MCF2L: variants seen among roughly 807,000 people sequenced by gnomAD.
MCF2L encodes MCF.2 cell line derived transforming sequence like.
MCF2L carries 97 observed loss-of-function variants against 153.4 expected under a neutral mutation model. The observed-to-expected ratio is 0.63, with a 90% CI of 0.54 to 0.75. The LOEUF is 0.75. Among genes scored for constraint, MCF2L ranks in the 30% least tolerant of loss-of-function variants. The pLI, the probability that MCF2L is intolerant of heterozygous loss-of-function variation, is 0.00. For synonymous variants in MCF2L, 659 were observed against 632.2 expected, an observed-to-expected ratio of 1.04 and a Z score of -0.64; for missense variants, 1,347 against 1,495.2, an observed-to-expected ratio of 0.90 and a Z score of 1.64.
intron 2 of MCF2L, among the ~76,000 whole-genome samples, chr13:112,915,412 A>C (rs796338093): frequency 2.1e-5 from 3 of 145,856 alleles, no homozygotes; most frequent in Middle Eastern, 3.5e-3. Flanking sequence ...CTGTCTCACA[A>C]AAAAAAAAAA....
At chr13:113,048,437 C>CTTTTTTTTT (rs35857164) in intron 4 of MCF2L, among the ~76,000 whole-genome samples, 1 of 104,176 alleles carries the variant, frequency 9.6e-6, no homozygotes. Flanking sequence ...AATTTACGGT[C>CTTTTTTTTT]TTTTTTTTTT....
chr13:112,970,365 G>A (rs1021202102), intron 1 of MCF2L, among the ~76,000 whole-genome samples: 4 of 152,172 alleles, frequency 2.6e-5, no homozygotes, highest in African/African-American at 9.7e-5. Context: ...GTGAACCAGT[G>A]ATTAAATCAG....
At position 113,004,563 on chromosome 13, in the gene MCF2L, G is replaced by A. The variant is rs555557754; in HGVS notation, c.80-10200G>A. On this transcript the variant is annotated intron_variant, in intron 1 of 29. Transcript: ENST00000535094. Reference sequence around the variant, plus strand: ...GTGGGGGGCAGCCATCACCAAAGCCGTCTGCCTGCATCACCGGCTGAATTG... The same window carrying A: ...GTGGGGGGCAGCCATCACCAAAGCCATCTGCCTGCATCACCGGCTGAATTG... 6.6e-5 allele frequency among the ~76,000 whole-genome samples: 10 copies of A among 152,334 alleles called. No homozygotes were observed. In the East Asian group the frequency reaches 1.4e-3, roughly 21 times the overall value.
intron 1 of MCF2L, among the ~76,000 whole-genome samples, chr13:112,901,002 G>A (rs1289788788): frequency 1.3e-5 from 2 of 152,154 alleles, no homozygotes; most frequent in African/African-American, 4.8e-5. Context: ...GTTGGAGGGA[G>A]GCAGGCGGCC....
At chr13:112,911,746 C>T (rs2081235846) in intron 2 of MCF2L, among the ~76,000 whole-genome samples, 1 of 152,272 alleles carries the variant, frequency 6.6e-6, no homozygotes, top group African/African-American at 2.4e-5. Flanking sequence ...CACGGATGCG[C>T]TGAGCAGCGA....
Position 113,064,995 on chromosome 13 carries a change from G to T in MCF2L, c.666G>T (p.Gly222=), listed in dbSNP as rs1349249629. The T allele has an allele frequency of 1.9e-6, 3 of 1,613,014 alleles. No homozygotes were observed. The highest frequency in any genetic ancestry group is 2.2e-5 in the East Asian group (1 of 44,882). The part of the protein sequence containing the change: ...KQTAQMLQSF[G]TELAETELPN... ...CGGCTCAGATGCTGCAGTCCTTCGG[G>T]ACCGAGCTGGCTGAAACAGAGCTGC... Residue 222 remains glycine, a synonymous_variant, in exon 7 of 30, where the codon GGG becomes GGT. Coordinates refer to ENST00000535094, the MANE Select transcript of MCF2L (RefSeq NM_001112732.3). The surrounding 1 kb of genome is among the most constrained non-coding windows in gnomAD (Gnocchi z 6.0).
chr13:113,032,514 G>A (rs1406249868), intron 3 of MCF2L, among the ~76,000 whole-genome samples: 1 of 152,208 alleles, frequency 6.6e-6, no homozygotes, highest in Admixed American at 6.5e-5. Context: ...GTTCAGCGGT[G>A]TGTCGTGGCG....
chr13:113,032,572 T>A (rs997884213), intron 3 of MCF2L, among the ~76,000 whole-genome samples: 32 of 152,262 alleles, frequency 2.1e-4, no homozygotes, highest in South Asian at 6.2e-4. Flanking sequence ...TTTATATATT[T>A]TTTTTTCATG....
intron 12 of MCF2L, among the ~76,000 whole-genome samples, chr13:113,076,516 C>G (rs554202282): frequency 1.3e-5 from 2 of 152,320 alleles, no homozygotes; most frequent in East Asian, 3.9e-4. Context: ...CCACCCAGCT[C>G]AACCTCCCAA....
Position 113,077,197 on chromosome 13 carries a change from C to G in MCF2L, c.1646C>G (p.Pro549Arg), listed in dbSNP as rs1167640172. 4.4e-6 allele frequency: 7 copies of G among 1,589,692 alleles called. No homozygotes were observed. The highest frequency in any genetic ancestry group is 6.0e-6 in the Non-Finnish European group (7 of 1,167,458). The change falls in exon 13 of 30, where the codon CCC becomes CGC. Residue 549 changes from proline to arginine, a missense_variant. Coordinates refer to ENST00000535094, the MANE Select transcript of MCF2L (RefSeq NM_001112732.3). The part of the protein sequence containing the change: ...APRPEALAKS[P>R]CPSPGIRRGS... ...AGACCCGAGGCACTGGCAAAGTCGC[C>G]CTGCCCCTCCCCAGGTCTGTGTGGC...
At chr13:113,079,971 G>A (rs2033951046) in intron 15 of MCF2L, among the ~76,000 whole-genome samples, 1 of 144,150 alleles carries the variant, frequency 6.9e-6, no homozygotes, top group Admixed American at 6.9e-5. Flanking sequence ...GCAGAGGAAC[G>A]TCTGAATGGA....
Position 113,064,174 on chromosome 13 carries a change from C to T in MCF2L, c.490-130C>T. On this transcript the variant is annotated intron_variant, in intron 5 of 29. Coordinates refer to ENST00000535094, the MANE Select transcript of MCF2L (RefSeq NM_001112732.3). The surrounding 1 kb of genome is among the most constrained non-coding windows in gnomAD (Gnocchi z 6.0). ...TCCGCAGTGTCCAGGTGCCCCCACC[C>T]ACACAGCCGCCCGCAGCATCCAGGC... 1 of 740,060 alleles carries T rather than the reference C, an allele frequency of 1.4e-6. No homozygotes were observed. Among genetic ancestry groups the T allele is most frequent in the Non-Finnish European group, 2.4e-6 (1 of 413,976 alleles). The allele number at this position is 740,060 out of a possible 1,614,324, so 45.8% of individuals were successfully genotyped here.
At position 113,076,199 on chromosome 13, in the gene MCF2L, G is replaced by A. The variant is rs563004243; in HGVS notation, c.1500+42G>A. The A allele has an allele frequency of 5.6e-5, 80 of 1,430,908 alleles. No homozygotes were observed. The South Asian group carries it at 6.4e-4, about 11-fold the overall frequency. 88.6% of individuals were successfully genotyped at this position (1,430,908 alleles called of 1,614,324 possible). On this transcript the variant is annotated intron_variant, in intron 12 of 29. Coordinates refer to ENST00000535094, the MANE Select transcript of MCF2L (RefSeq NM_001112732.3). ...CTCTCCATTTGCAGCTTGCTGTCCC[G>A]AGCAGTGAGGCATTCCTCTGTGGGA... is the stretch of plus-strand genomic sequence containing the variant.
At chr13:112,968,144 G>GGA (rs1555355460), upstream of MCF2L, among the ~76,000 whole-genome samples, 1 of 146,206 alleles carries the variant, frequency 6.8e-6, no homozygotes, top group Admixed American at 6.7e-5. Flanking sequence ...GAGTGAGGTG[G>GGA]GGGGGGGGGT....
rs979935120 is a variant in MCF2L at position 113,027,336 on chromosome 13, C to A, written c.278+2578C>A. Among the ~76,000 whole-genome samples the A allele has an allele frequency of 1.3e-5, 2 of 152,008 alleles. No individual in the cohort carries two copies. The highest frequency in any genetic ancestry group is 2.9e-5 in the Non-Finnish European group (2 of 68,024). On this transcript the variant is annotated intron_variant, in intron 3 of 29. Transcript: ENST00000535094. This position sits in a 1 kb window ranked among gnomAD's most constrained non-coding sequence, Gnocchi z 4.8. The stretch of plus-strand genomic sequence containing the variant: ...AGTCATGCCTCAAGGAGAGGGAGAG[C>A]GGTGGGCACCTCTGTCCACTTGGCG...
chr13:113,059,159 G>C (rs1042795955), intron 4 of MCF2L, among the ~76,000 whole-genome samples: 1 of 152,202 alleles, frequency 6.6e-6, no homozygotes, highest in Non-Finnish European at 1.5e-5. Flanking sequence ...CTTGGGGTGC[G>C]CGATCTAGAA....
chr13:112,920,975 G>C (rs1398712761), intron 2 of MCF2L, among the ~76,000 whole-genome samples: 1 of 151,456 alleles, frequency 6.6e-6, no homozygotes, highest in African/African-American at 2.4e-5. Flanking sequence ...AGACCATCCT[G>C]GCTAACATGG....
At chr13:113,022,998 G>T (rs903286840) in intron 2 of MCF2L, among the ~76,000 whole-genome samples, 1 of 152,234 alleles carries the variant, frequency 6.6e-6, no homozygotes, top group Non-Finnish European at 1.5e-5. Flanking sequence ...AGCCCTCGAG[G>T]GCTGGGAGAG....
intron 4 of MCF2L, among the ~76,000 whole-genome samples, chr13:113,049,656 C>A (rs777656608): frequency 2.6e-5 from 4 of 152,190 alleles, no homozygotes; most frequent in Non-Finnish European, 4.4e-5. Context: ...CAGGCACAGG[C>A]TCCAGCTGCC....
Sources: allele counts gnomAD v4.1 joint callset (sites outside exome capture counted in the v4.1 genomes callset), GRCh38; gene constraint gnomAD v4.1.1; non-coding constraint Gnocchi (gnomAD v3.1); transcripts MANE v1.5; gene names NCBI Gene and HGNC (gene_info 2026-07-23, HGNC 2026-07-21).